DMD: variants seen among roughly 807,000 people sequenced by gnomAD.
DMD encodes dystrophin.
Under a neutral mutation model 330.1 loss-of-function variants are expected in DMD, and 63 were observed. The observed-to-expected ratio is 0.19, with a 90% CI of 0.16 to 0.24. The LOEUF is 0.24. DMD is among the 10% of genes least tolerant of loss of function. The probability of loss-of-function intolerance (pLI) is 1.00; values close to 1 mark genes in which losing one functional copy is unlikely to be tolerated. For missense variants in DMD, 3,344 were observed against 2,684.1 expected (o/e 1.25, Z -5.43); for synonymous variants, 1,223 against 959.8 (o/e 1.27, Z -5.07).
At chrX:31,313,268 T>C (rs908172157) in intron 62 of DMD, among the ~76,000 whole-genome samples, 2 of 110,924 alleles carry the variant, frequency 1.8e-5, no homozygotes, top group Non-Finnish European at 1.9e-5. Flanking sequence ...TGTTTTTTGT[T>C]CCCCTTTATT....
intron 60 of DMD, among the ~76,000 whole-genome samples, chrX:31,369,849 C>A (rs144225751): frequency 0.014 from 1,506 of 111,312 alleles, 32 homozygotes; most frequent in African/African-American, 0.047. Context: ...ATATAAAAAT[C>A]AAATGGATCA....
intron 3 of DMD, among the ~76,000 whole-genome samples, chrX:32,846,708 A>G (rs1001671539): frequency 2.0e-5 from 2 of 98,827 alleles, no homozygotes; most frequent in African/African-American, 7.5e-5. Flanking sequence ...GAGGAAAAAA[A>G]TAAGACTTTA....
chrX:32,354,864 C>G (rs1603631506), intron 37 of DMD, among the ~76,000 whole-genome samples: 1 of 111,393 alleles, frequency 9.0e-6, no homozygotes, highest in African/African-American at 3.2e-5. Context: ...CAAGAATCTG[C>G]TTCCTACTGT....
At chrX:31,535,593 C>T (rs1021970810) in intron 55 of DMD, among the ~76,000 whole-genome samples, 1 of 108,126 alleles carries the variant, frequency 9.2e-6, no homozygotes, top group Non-Finnish European at 1.9e-5. Flanking sequence ...GACTTCATGT[C>T]CAAAACACCA....
intron 1 of DMD, among the ~76,000 whole-genome samples, chrX:33,260,209 A>T (rs912808309): frequency 1.8e-5 from 2 of 111,547 alleles, no homozygotes; most frequent in Non-Finnish European, 1.9e-5. Context: ...TTGTTACATA[A>T]CCTGGTCAGC....
chrX:32,239,929 G>A (rs903768646), intron 43 of DMD, among the ~76,000 whole-genome samples: 3 of 111,545 alleles, frequency 2.7e-5, no homozygotes, highest in Non-Finnish European at 1.9e-5. Flanking sequence ...TCTTTAAAAA[G>A]TTTTCTTAAG....
intron 7 of DMD, among the ~76,000 whole-genome samples, chrX:32,748,747 T>C (rs1286959323): frequency 8.9e-6 from 1 of 112,224 alleles, no homozygotes; most frequent in Non-Finnish European, 1.9e-5. Context: ...AGAATTGCCC[T>C]CTCAAAGTAA....
intron 1 of DMD, among the ~76,000 whole-genome samples, chrX:33,056,193 T>C (rs1008364203): frequency 2.7e-5 from 3 of 110,527 alleles, no homozygotes; most frequent in Non-Finnish European, 5.7e-5. Flanking sequence ...AGCAAGATGT[T>C]CCCTTAGGTT....
chrX:31,483,175 T>G (rs953897113), intron 57 of DMD, among the ~76,000 whole-genome samples: 8 of 106,368 alleles, frequency 7.5e-5, no homozygotes, highest in Non-Finnish European at 1.5e-4. Flanking sequence ...GCCTCCCGAG[T>G]AGCTGGGACT....
intron 7 of DMD, among the ~76,000 whole-genome samples, chrX:32,726,884 C>G (rs756946332): frequency 1.8e-5 from 2 of 109,629 alleles, no homozygotes; most frequent in South Asian, 7.7e-4. Flanking sequence ...AATTCTAGGC[C>G]TAACGTTTAC....
intron 2 of DMD, among the ~76,000 whole-genome samples, chrX:33,010,140 A>G (rs1206183552): frequency 9.6e-6 from 1 of 104,002 alleles, no homozygotes; most frequent in Non-Finnish European, 2.0e-5. Context: ...ATGTATATAT[A>G]CGTGTATATA....
intron 37 of DMD, among the ~76,000 whole-genome samples, chrX:32,352,263 T>A (rs1211633075): frequency 1.8e-5 from 2 of 110,778 alleles, no homozygotes; most frequent in Non-Finnish European, 3.8e-5. Context: ...TTTATAACCT[T>A]ACAGTAAGTT....
chrX:31,352,850 C>A (rs148490757), intron 60 of DMD, among the ~76,000 whole-genome samples: 1,123 of 111,700 alleles, frequency 0.01, 9 homozygotes, highest in Non-Finnish European at 0.017. Flanking sequence ...GACTTAGGAA[C>A]AAAGCACTTT....
intron 62 of DMD, among the ~76,000 whole-genome samples, chrX:31,321,607 A>AAAAAAAAAAAAAAAAGAAAG (rs1388525572): frequency 9.2e-4 from 82 of 89,168 alleles, no homozygotes; most frequent in African/African-American, 2.2e-3. Context: ...AAAAAAAAAA[A>AAAAAAAAAAAAAAAAGAAAG]AAAGAAAGAA....
intron 1 of DMD, among the ~76,000 whole-genome samples, chrX:33,253,972 A>G (rs996740837): frequency 1.8e-5 from 2 of 111,031 alleles, no homozygotes; most frequent in African/African-American, 6.5e-5. Context: ...TAATGTCATG[A>G]TCCCTTTAAT....
chrX:32,879,021 A>AAAAAAAAC (rs1352069437), intron 2 of DMD, among the ~76,000 whole-genome samples: 20 of 101,775 alleles, frequency 2.0e-4, no homozygotes, highest in East Asian at 3.2e-4. Flanking sequence ...AAAAAAACAA[A>AAAAAAAAC]AAACAAAAAA....
chrX:32,509,190 A>T (rs1215102553), intron 18 of DMD, among the ~76,000 whole-genome samples: 1 of 16,991 alleles, frequency 5.9e-5, no homozygotes, highest in Non-Finnish European at 9.2e-5. Context: ...AAAAAGTGTT[A>T]AAAAAAAAAA....
At chrX:31,473,581 G>A (rs1456961485) in intron 59 of DMD, among the ~76,000 whole-genome samples, 6 of 105,942 alleles carry the variant, frequency 5.7e-5, no homozygotes, top group African/African-American at 1.4e-4. Context: ...TCAGCTGGGC[G>A]TGGTGGTGCG....
chrX:31,574,744 T>C (rs1251065245), intron 55 of DMD, among the ~76,000 whole-genome samples: 1 of 111,591 alleles, frequency 9.0e-6, no homozygotes, highest in East Asian at 2.8e-4. Context: ...TGATGTCTCT[T>C]CTTTTTTCAG....
Sources: allele counts gnomAD v4.1 joint callset (sites outside exome capture counted in the v4.1 genomes callset), GRCh38; gene constraint gnomAD v4.1.1; transcripts MANE v1.5; gene names NCBI Gene and HGNC (gene_info 2026-07-23, HGNC 2026-07-21).